The following HNF4A variants were observed in gnomAD, a reference collection of about 807,000 sequenced individuals.
The protein encoded by HNF4A is hepatocyte nuclear factor 4 alpha, also known as hepatocyte nuclear factor 4-alpha.
Under a neutral mutation model 52.4 loss-of-function variants are expected in HNF4A, and 15 were observed. The ratio of observed to expected loss-of-function variants is 0.29; its 90% CI spans 0.19 to 0.44. The LOEUF (loss-of-function observed/expected upper bound fraction) is 0.44. Ranked by LOEUF, HNF4A falls within the 20% of genes least tolerant of loss-of-function variation. The probability of loss-of-function intolerance (pLI) is 1.00; values close to 1 mark genes in which losing one functional copy is unlikely to be tolerated. For missense variants in HNF4A, 479 were observed against 647.2 expected, an observed-to-expected ratio of 0.74 and a Z score of 2.82; for synonymous variants, 280 against 264.4, an observed-to-expected ratio of 1.06 and a Z score of -0.57.
At chr20:44,402,496 T>A in intron 1 of HNF4A, 1 of 1,208,596 alleles carries the variant, frequency 8.3e-7, no homozygotes, top group South Asian at 1.3e-5. Context: ...AGGACTCTGT[T>A]GTTGCCACTC....
Position 44,401,299 on chromosome 20 carries a change from G to A in HNF4A, c.-74G>A. The A allele has an allele frequency of 6.4e-7, 1 of 1,574,070 alleles. No individual in the cohort carries two copies. Among genetic ancestry groups the A allele is most frequent in the Non-Finnish European group, 8.7e-7 (1 of 1,150,164 alleles). On this transcript the variant is annotated 5_prime_UTR_variant, in exon 1 of 10. Coordinates refer to ENST00000316099, the MANE Select transcript of HNF4A (RefSeq NM_000457.6). ...AGAGGGCACTGGGAGGAGGCAGTGG[G>A]AGGGCGGAGGGCGGGGGCCTTCGGG... is the stretch of plus-strand genomic sequence containing the variant.
At chr20:44,397,631 C>CT (rs915875557), upstream of HNF4A, among the ~76,000 whole-genome samples, 128 of 144,466 alleles carry the variant, frequency 8.9e-4, no homozygotes, top group East Asian at 2.6e-3. Context: ...AGAAAACATT[C>CT]TTTTTTTTTT....
At chr20:44,422,565 T>C (rs2063760613) in intron 7 of HNF4A, among the ~76,000 whole-genome samples, 1 of 151,944 alleles carries the variant, frequency 6.6e-6, no homozygotes, top group Non-Finnish European at 1.5e-5. Flanking sequence ...ACCGCTTAAG[T>C]TCCTTTCTAG....
chr20:44,370,869 G>GC (rs1415737723), intron 1 of HNF4A, among the ~76,000 whole-genome samples: 1 of 152,212 alleles, frequency 6.6e-6, no homozygotes, highest in Non-Finnish European at 1.5e-5. Context: ...ACGACTGTCT[G>GC]CCATGGGCCT....
In HNF4A at chr20:44,413,383, G is replaced by T. The variant is rs112439773; in HGVS notation, c.386-311G>T. ...TAGACCAGAGCTTGAACATCTTTAA[G>T]CTAGTCAGATCCCCTCCTCAATGCT... On this transcript the variant is annotated intron_variant, in intron 3 of 9. Coordinates refer to ENST00000316099, the MANE Select transcript of HNF4A (RefSeq NM_000457.6). Among the ~76,000 whole-genome samples the T allele has an allele frequency of 5.9e-3, 905 of 152,196 alleles. 4 individuals carry two copies. Among genetic ancestry groups the T allele is most frequent in the African/African-American group, 0.019 (780 of 41,506 alleles).
chr20:44,367,549 G>T (rs1173067309), intron 1 of HNF4A, among the ~76,000 whole-genome samples: 1 of 150,066 alleles, frequency 6.7e-6, no homozygotes, highest in East Asian at 2.0e-4. Context: ...GCTGAGACAG[G>T]AGAATCGCTT....
rs1661413354 is a variant in HNF4A, at chr20:44,368,825, A to G, written c.49+12972A>G. 1.3e-5 allele frequency among the ~76,000 whole-genome samples: 2 copies of G among 152,178 alleles called. 1 individual carries two copies. The highest frequency in any genetic ancestry group is 4.1e-4 in the South Asian group (2 of 4,828). On this transcript the variant is annotated intron_variant, in intron 1 of 9. Coordinates refer to the HNF4A transcript ENST00000316673. ...TGTGGTTATGCAATTTAAAATATTG[A>G]TTTATCTCCAAATTGGGATATAGTT...
chr20:44,404,841 TGCGTG>T (rs2063466973), intron 1 of HNF4A, among the ~76,000 whole-genome samples: 3 of 422 alleles, frequency 7.1e-3, no homozygotes, highest in Non-Finnish European at 0.015. Context: ...GGTGTGTGTG[TGCGTG>T]ACTGTGTGGT....
chr20:44,424,002 C>T lies in HNF4A; in HGVS notation c.893-16C>T, dbSNP rs372125273. On this transcript the variant is annotated splice_polypyrimidine_tract_variant and intron_variant, in intron 7 of 9. Coordinates refer to ENST00000316099, the MANE Select transcript of HNF4A (RefSeq NM_000457.6). ...GGACCCTGCTGCCCTCCCTTGCCCACCCTCTTCCATTGTAGATGCCAAGGG... is the reference window on the plus strand; with the variant it reads ...GGACCCTGCTGCCCTCCCTTGCCCATCCTCTTCCATTGTAGATGCCAAGGG... 6.2e-7 allele frequency: 1 copy of T among 1,612,246 alleles called. No homozygotes were observed. The highest frequency in any genetic ancestry group is 8.5e-7 in the Non-Finnish European group (1 of 1,179,620).
chr20:44,424,222 T>C lies in HNF4A; in HGVS notation c.1097T>C (p.Ile366Thr), dbSNP rs777332317. ...ATCAAGCTCTTCGGCATGGCCAAGA[T>C]TGACAACCTGTTGCAGGAGATGCTG... The change falls in exon 8 of 10, where the codon ATT becomes ACT. Residue 366 changes from isoleucine to threonine, a missense_variant. Ile to Thr is a moderately conservative substitution (Grantham distance 89). Transcript: ENST00000316099. 6 of 1,614,076 alleles carry C rather than the reference T, an allele frequency of 3.7e-6. No homozygotes were observed. Among genetic ancestry groups the C allele is most frequent in the Non-Finnish European group, 5.1e-6 (6 of 1,180,010 alleles).
upstream of HNF4A, among the ~76,000 whole-genome samples, chr20:44,400,783 A>T (rs2063397306): frequency 6.6e-6 from 1 of 152,188 alleles, no homozygotes; most frequent in South Asian, 2.1e-4. Context: ...CAGAACAAGG[A>T]TCCAGAAGAT....
At chr20:44,358,472 T>C (rs755100588) in intron 1 of HNF4A, among the ~76,000 whole-genome samples, 9 of 151,964 alleles carry the variant, frequency 5.9e-5, no homozygotes, top group Non-Finnish European at 1.3e-4. Flanking sequence ...TAGCCGGGTA[T>C]GATGGCACAC....
At chr20:44,357,268 C>T (rs1453222271) in intron 1 of HNF4A, among the ~76,000 whole-genome samples, 2 of 152,184 alleles carry the variant, frequency 1.3e-5, no homozygotes, top group Non-Finnish European at 2.9e-5. Flanking sequence ...CTCTCTGAAC[C>T]TATTTCCTCA....
chr20:44,433,568 C>T (rs1279474437), downstream of HNF4A: 1 of 152,306 alleles, frequency 6.6e-6, no homozygotes, highest in Non-Finnish European at 1.5e-5. Flanking sequence ...ATAGTACCAG[C>T]TACTCTGAAG....
At chr20:44,425,712 T>G (rs981636905) in intron 8 of HNF4A, among the ~76,000 whole-genome samples, 1 of 147,102 alleles carries the variant, frequency 6.8e-6, no homozygotes. Context: ...TGGAGTGCAG[T>G]GGCGCAATCA....
intron 1 of HNF4A, among the ~76,000 whole-genome samples, chr20:44,356,813 G>A (rs542181667): frequency 2.6e-5 from 4 of 152,124 alleles, no homozygotes; most frequent in Admixed American, 1.3e-4. Flanking sequence ...TTAAAAGTTG[G>A]GTGCCTTTTA....
At chr20:44,407,560 C>A in intron 3 of HNF4A, 85 bp downstream of exon 3, 2 of 942,288 alleles carry the variant, frequency 2.1e-6, no homozygotes, top group Non-Finnish European at 3.3e-6. Context: ...TGTAGCCACA[C>A]TTTATGACTC....
intron 1 of HNF4A, among the ~76,000 whole-genome samples, chr20:44,369,092 C>CA (rs1476506679): frequency 6.6e-6 from 1 of 150,838 alleles, no homozygotes; most frequent in African/African-American, 2.4e-5. Context: ...CTAATAATAC[C>CA]AAAAAAATTA....
At chr20:44,392,813 GCTTACATGAAGCC>G (rs2063316673) in intron 1 of HNF4A, among the ~76,000 whole-genome samples, 1 of 152,190 alleles carries the variant, frequency 6.6e-6, no homozygotes, top group Non-Finnish European at 1.5e-5. Context: ...ACACCCAGCA[GCTTACATGAAGCC>G]CTAGGGCAAA....
Sources: allele counts gnomAD v4.1 joint callset (sites outside exome capture counted in the v4.1 genomes callset), GRCh38; gene constraint gnomAD v4.1.1; transcripts MANE v1.5; gene names NCBI Gene and HGNC (gene_info 2026-07-23, HGNC 2026-07-21).